Variants in RIPOR2 observed in about 807,000 individuals in gnomAD.
RIPOR2 encodes the protein rho family-interacting cell polarization regulator 2.
Under a neutral mutation model 114.5 loss-of-function variants are expected in RIPOR2, and 39 were observed. The observed-to-expected ratio is 0.34, with a 90% CI of 0.26 to 0.44. RIPOR2 has a LOEUF of 0.44. Ranked by LOEUF, RIPOR2 falls within the 20% of genes least tolerant of loss-of-function variation. RIPOR2 has a pLI of 1.00. For missense variants in RIPOR2, 1,007 were observed against 1,255.1 expected, an observed-to-expected ratio of 0.80 and a Z score of 2.99; for synonymous variants, 445 against 484.4, an observed-to-expected ratio of 0.92 and a Z score of 1.07.
chr6:24,887,878 G>C (rs762834892), intron 1 of RIPOR2, among the ~76,000 whole-genome samples: 1 of 152,156 alleles, frequency 6.6e-6, no homozygotes, highest in Non-Finnish European at 1.5e-5. Context: ...AATTAGAAGA[G>C]AAATGATTCA....
At chr6:25,041,189 A>G (rs1166577369) in intron 1 of RIPOR2, among the ~76,000 whole-genome samples, 1 of 152,204 alleles carries the variant, frequency 6.6e-6, no homozygotes, top group African/African-American at 2.4e-5. Flanking sequence ...CCCTCCACCC[A>G]TTTGAATTTG....
intron 7 of RIPOR2, among the ~76,000 whole-genome samples, chr6:24,864,433 G>A (rs1485468587): frequency 3.3e-5 from 5 of 152,124 alleles, no homozygotes; most frequent in East Asian, 3.9e-4. Flanking sequence ...GAGGCAACAC[G>A]GGAGTGTACA....
chr6:24,852,512 A>G (rs1472417468), intron 9 of RIPOR2, 63 bp downstream of exon 9: 15 of 1,225,644 alleles, frequency 1.2e-5, no homozygotes, highest in Non-Finnish European at 1.6e-5. Flanking sequence ...AAATAATGAC[A>G]TGACAACTGG....
At chr6:25,033,843 T>C (rs1777114374) in intron 1 of RIPOR2, among the ~76,000 whole-genome samples, 1 of 152,014 alleles carries the variant, frequency 6.6e-6, no homozygotes, top group Admixed American at 6.6e-5. Flanking sequence ...GAGTTTAAGA[T>C]TTTTTTATTA....
intron 1 of RIPOR2, among the ~76,000 whole-genome samples, chr6:25,040,414 C>A (rs1777416092): frequency 6.6e-6 from 1 of 152,112 alleles, no homozygotes; most frequent in South Asian, 2.1e-4. Context: ...CCGCGCCCGG[C>A]CTGTGTGATG....
intron 1 of RIPOR2, among the ~76,000 whole-genome samples, chr6:24,945,926 A>C (rs889895541): frequency 6.6e-6 from 1 of 152,080 alleles, no homozygotes; most frequent in Non-Finnish European, 1.5e-5. Context: ...TATTTTTACA[A>C]ATTCCTGTCT....
At position 24,865,371 on chromosome 6, in the gene RIPOR2, G is replaced by A. The variant is rs1320693526; in HGVS notation, c.581C>T (p.Thr194Ile). Residue 194 changes from threonine to isoleucine, a missense_variant, in exon 7 of 22, where the codon ACA becomes ATA. By Grantham distance (89) the Thr-to-Ile change is moderately conservative. Coordinates refer to ENST00000643898, the MANE Select transcript of RIPOR2 (RefSeq NM_001286445.3). The stretch of plus-strand genomic sequence containing the variant: ...CCGGGCAGCTTTGCTGGCAGGGGAT[G>A]TTGCGAAGGCTTGCTTCATTTTGCT... ...GASKMKQAFATSPASKAARES... is the reference protein window; with the variant it reads ...GASKMKQAFAISPASKAARES... 4 of 1,613,614 alleles carry A rather than the reference G, an allele frequency of 2.5e-6. No individual in the cohort carries two copies. The highest frequency in any genetic ancestry group is 8.5e-7 in the Non-Finnish European group (1 of 1,179,660).
chr6:24,807,165 T>C (rs552153545), intron 21 of RIPOR2, among the ~76,000 whole-genome samples: 6 of 152,188 alleles, frequency 3.9e-5, no homozygotes, highest in Non-Finnish European at 8.8e-5. Flanking sequence ...ATGGAAATAG[T>C]TGTGCCTAAT....
chr6:24,899,223 A>G (rs189533758), intron 1 of RIPOR2, among the ~76,000 whole-genome samples: 1 of 152,102 alleles, frequency 6.6e-6, no homozygotes, highest in East Asian at 1.9e-4. Context: ...ATAGGAAATA[A>G]TTATCATTCT....
intron 1 of RIPOR2, among the ~76,000 whole-genome samples, chr6:24,880,500 T>G (rs1392034773): frequency 6.6e-6 from 1 of 152,202 alleles, no homozygotes; most frequent in East Asian, 1.9e-4. Context: ...TGTATTATAT[T>G]TTTATACAGA....
At chr6:24,840,677 C>T in intron 13 of RIPOR2, 1 of 1,534,570 alleles carries the variant, frequency 6.5e-7, no homozygotes, top group Non-Finnish European at 8.7e-7. Context: ...GGGAAAACGT[C>T]TTTCGGTCTT....
At chr6:24,999,278 A>G (rs982996265) in intron 1 of RIPOR2, among the ~76,000 whole-genome samples, 3 of 152,214 alleles carry the variant, frequency 2.0e-5, no homozygotes, top group Admixed American at 6.5e-5. Flanking sequence ...TTATATGCTC[A>G]TTAACATACA....
At chr6:24,857,404 A>C (rs146442796) in intron 8 of RIPOR2, among the ~76,000 whole-genome samples, 98 of 152,294 alleles carry the variant, frequency 6.4e-4, no homozygotes, top group African/African-American at 2.2e-3. Context: ...TGCAGGGGTC[A>C]TACCTTTGGA....
chr6:24,866,160 A>G (rs1334774528), intron 6 of RIPOR2, among the ~76,000 whole-genome samples: 2 of 152,244 alleles, frequency 1.3e-5, no homozygotes, highest in Non-Finnish European at 2.9e-5. Flanking sequence ...TAAATATATC[A>G]AACTGAACAC....
At chr6:24,990,016 A>G (rs1341219722) in intron 1 of RIPOR2, among the ~76,000 whole-genome samples, 3 of 152,096 alleles carry the variant, frequency 2.0e-5, no homozygotes, top group African/African-American at 7.2e-5. Flanking sequence ...GGGCTATAGC[A>G]TGAGTCTCAA....
At chr6:24,953,105 G>C (rs545030697) in intron 1 of RIPOR2, among the ~76,000 whole-genome samples, 4 of 152,044 alleles carry the variant, frequency 2.6e-5, no homozygotes, top group Non-Finnish European at 5.9e-5. Flanking sequence ...AGGTCAAAGC[G>C]GGCGGATCAC....
intron 1 of RIPOR2, among the ~76,000 whole-genome samples, chr6:24,922,858 CAAAAAAA>C (rs869160864): frequency 0.24 from 18,707 of 78,704 alleles, 1,626 homozygotes; most frequent in African/African-American, 0.33. Context: ...AGGACAGTCT[CAAAAAAA>C]AAAAAAAAAA....
chr6:24,880,368 T>C (rs565980168), intron 1 of RIPOR2, among the ~76,000 whole-genome samples: 64 of 152,266 alleles, frequency 4.2e-4, no homozygotes, highest in African/African-American at 1.5e-3. Flanking sequence ...CAGAGTATGA[T>C]AGTAGGAATG....
chr6:25,010,457 T>C (rs2018530), intron 1 of RIPOR2, among the ~76,000 whole-genome samples: 108,471 of 152,134 alleles, frequency 0.71, 38,994 homozygotes, highest in African/African-American at 0.77. Flanking sequence ...TGCGGAACCA[T>C]GAGCCAGATA....
Sources: gnomAD v4.1 joint callset for allele counts (sites outside exome capture counted in the v4.1 genomes callset) on GRCh38, gnomAD v4.1.1 for gene constraint, MANE v1.5 for transcripts, NCBI Gene and HGNC (gene_info 2026-07-23, HGNC 2026-07-21) for gene names.